The following CTPS2 variants were observed in gnomAD, a reference collection of about 807,000 sequenced individuals.
The protein encoded by CTPS2 is CTP synthase II.
CTPS2 carries 19 observed loss-of-function variants against 46.8 expected under a neutral mutation model. That is an observed-to-expected ratio of 0.41 (90% CI 0.28 to 0.60). The LOEUF (loss-of-function observed/expected upper bound fraction) is 0.60. Among genes scored for constraint, CTPS2 ranks in the 20% least tolerant of loss-of-function variants. The probability of loss-of-function intolerance (pLI) is 0.35; values close to 1 mark genes in which losing one functional copy is unlikely to be tolerated. For missense variants in CTPS2, 286 were observed against 447.6 expected, an observed-to-expected ratio of 0.64 and a Z score of 3.26; for synonymous variants, 151 against 165.2, an observed-to-expected ratio of 0.91 and a Z score of 0.66.
intron 13 of CTPS2, among the ~76,000 whole-genome samples, chrX:16,658,274 G>A (rs1336898291): frequency 1.8e-5 from 2 of 108,739 alleles, no homozygotes; most frequent in East Asian, 5.7e-4. Flanking sequence ...AAACAGTTGA[G>A]GGACTGTTTA....
At chrX:16,598,412 A>G (rs1484237579) in intron 17 of CTPS2, among the ~76,000 whole-genome samples, 1 of 112,097 alleles carries the variant, frequency 8.9e-6, no homozygotes. Context: ...AACTACCATC[A>G]GAGATTACTA....
upstream of CTPS2, chrX:16,712,709 TC>T (rs1925556280): frequency 8.9e-6 from 1 of 112,918 alleles, no homozygotes; most frequent in African/African-American, 3.2e-5. Flanking sequence ...CGCTCCTCCC[TC>T]CCGTGGCTCA....
At chrX:16,622,652 G>A (rs942407153) in intron 14 of CTPS2, among the ~76,000 whole-genome samples, 1 of 111,368 alleles carries the variant, frequency 9.0e-6, no homozygotes, top group African/African-American at 3.3e-5. Context: ...TAGGATATAA[G>A]GAATCGTATC....
chrX:16,693,094 G>T, intron 6 of CTPS2, 47 bp downstream of exon 6: 2 of 798,475 alleles, frequency 2.5e-6, no homozygotes, highest in Non-Finnish European at 3.8e-6. Flanking sequence ...TGAAGGTCCT[G>T]CTCCCAGAGA....
chrX:16,692,281 AAC>A (rs776817822), intron 6 of CTPS2, among the ~76,000 whole-genome samples: 42 of 105,918 alleles, frequency 4.0e-4, no homozygotes, highest in South Asian at 2.9e-3. Flanking sequence ...TGTCTCTACA[AAC>A]ACACACACAC....
chrX:16,649,673 C>T (rs1369272158), intron 13 of CTPS2, among the ~76,000 whole-genome samples: 1 of 111,263 alleles, frequency 9.0e-6, no homozygotes, highest in Non-Finnish European at 1.9e-5. Context: ...TTAAATTTTT[C>T]AGTAGAAATG....
At chrX:16,664,657 G>C (rs1189922461) in intron 13 of CTPS2, among the ~76,000 whole-genome samples, 1 of 112,001 alleles carries the variant, frequency 8.9e-6, no homozygotes, top group Non-Finnish European at 1.9e-5. Context: ...TTGCCATAAG[G>C]GAAGGGATTA....
At chrX:16,704,349 C>A (rs1173457228) in intron 1 of CTPS2, among the ~76,000 whole-genome samples, 1 of 111,731 alleles carries the variant, frequency 9.0e-6, no homozygotes, top group Non-Finnish European at 1.9e-5. Flanking sequence ...GCTACCAAGC[C>A]ATGAAAAAAC....
At chrX:16,635,699 C>A (rs1266601343) in intron 14 of CTPS2, among the ~76,000 whole-genome samples, 1 of 111,797 alleles carries the variant, frequency 8.9e-6, no homozygotes, top group Non-Finnish European at 1.9e-5. Context: ...AACAAAAAAA[C>A]ACTATCATGC....
At chrX:16,600,072 C>G (rs1160984147) in intron 17 of CTPS2, among the ~76,000 whole-genome samples, 1 of 112,556 alleles carries the variant, frequency 8.9e-6, no homozygotes, top group Admixed American at 9.4e-5. Flanking sequence ...CTGTGCCCAG[C>G]CAACATGTGG....
intron 17 of CTPS2, among the ~76,000 whole-genome samples, chrX:16,599,147 A>G (rs1476308476): frequency 8.9e-6 from 1 of 112,317 alleles, no homozygotes; most frequent in Non-Finnish European, 1.9e-5. Flanking sequence ...GAAAACTGGC[A>G]TAAGATAGGG....
chrX:16,674,651 ACACGG>A (rs1218530214), intron 10 of CTPS2, among the ~76,000 whole-genome samples: 1 of 103,933 alleles, frequency 9.6e-6, no homozygotes, highest in Non-Finnish European at 2.0e-5. Flanking sequence ...ATCCTGGCTA[ACACGG>A]TGAAACCCCG....
intron 17 of CTPS2, among the ~76,000 whole-genome samples, chrX:16,599,777 C>G (rs1364928026): frequency 3.3e-5 from 2 of 59,934 alleles, no homozygotes; most frequent in South Asian, 9.9e-4. Context: ...CACCCGGCAC[C>G]CCCCCCCTTT....
At chrX:16,618,772 C>A (rs768149328) in intron 15 of CTPS2, among the ~76,000 whole-genome samples, 1 of 112,115 alleles carries the variant, frequency 8.9e-6, no homozygotes, top group Non-Finnish European at 1.9e-5. Flanking sequence ...CTATTCATAT[C>A]ATTTGCAATT....
intron 13 of CTPS2, among the ~76,000 whole-genome samples, chrX:16,640,436 T>A (rs757896700): frequency 1.8e-5 from 2 of 111,798 alleles, no homozygotes; most frequent in East Asian, 5.7e-4. Flanking sequence ...GTCCTCTCTC[T>A]GTGCCCTCAC....
chrX:16,693,477 G>A lies in CTPS2; in HGVS notation c.449C>T (p.Thr150Ile). The change falls in exon 5 of 19, where the codon ACC (threonine) becomes ATC (isoleucine). Residue 150 changes from threonine to isoleucine, a missense_variant. Physicochemically the swap from Thr to Ile is moderately conservative, Grantham distance 89. Transcript: ENST00000359276. ...PQICVIELGGTIGDIEGMPFV... is the reference protein window; with the variant it reads ...PQICVIELGGIIGDIEGMPFV... ...CGGCATTCCTTCGATGTCTCCAATG[G>A]TGCCTCCCAGCTGGGAATGGAAAAC... 1 of 1,186,837 alleles carries A rather than the reference G, an allele frequency of 8.4e-7. No individual in the cohort carries two copies. The highest frequency in any genetic ancestry group is 1.1e-6 in the Non-Finnish European group (1 of 874,942).
At chrX:16,705,998 G>A (rs1245268582) in intron 1 of CTPS2, among the ~76,000 whole-genome samples, 1 of 108,970 alleles carries the variant, frequency 9.2e-6, no homozygotes, top group Non-Finnish European at 1.9e-5. Context: ...CTACTAGGGA[G>A]GCTGAGGCAG....
intron 10 of CTPS2, among the ~76,000 whole-genome samples, 194 bp downstream of exon 10, chrX:16,678,168 A>C (rs1922436033): frequency 8.9e-6 from 1 of 112,277 alleles, no homozygotes; most frequent in African/African-American, 3.2e-5. Flanking sequence ...ATTTCTATGC[A>C]CATGCCACCA....
At chrX:16,693,729 G>T (rs1433654175) in intron 4 of CTPS2, among the ~76,000 whole-genome samples, 1 of 111,224 alleles carries the variant, frequency 9.0e-6, no homozygotes, top group Non-Finnish European at 1.9e-5. Context: ...GGTCAAGGCT[G>T]CAGTGAGTCA....
Sources: gnomAD v4.1 joint callset for allele counts (sites outside exome capture counted in the v4.1 genomes callset) on GRCh38, gnomAD v4.1.1 for gene constraint, MANE v1.5 for transcripts, NCBI Gene and HGNC (gene_info 2026-07-23, HGNC 2026-07-21) for gene names.